Variants in PDLIM5 observed in about 807,000 individuals in gnomAD.
PDLIM5 encodes PDZ and LIM domain 5.
A neutral mutation model predicts 64.2 loss-of-function variants in PDLIM5; 34 were observed. The observed-to-expected ratio is 0.53, with a 90% CI of 0.40 to 0.71. The LOEUF (loss-of-function observed/expected upper bound fraction) is 0.71. Among genes scored for constraint, PDLIM5 ranks in the 30% least tolerant of loss-of-function variants. PDLIM5 has a pLI of 0.00. For missense variants in PDLIM5, 683 were observed against 733.6 expected, an observed-to-expected ratio of 0.93 and a Z score of 0.80; for synonymous variants, 253 against 269.1, an observed-to-expected ratio of 0.94 and a Z score of 0.59.
At chr4:94,527,672 G>A (rs945264531) in intron 3 of PDLIM5, among the ~76,000 whole-genome samples, 4 of 152,224 alleles carry the variant, frequency 2.6e-5, no homozygotes, top group Non-Finnish European at 5.9e-5. Context: ...TGTGATTTCA[G>A]GGGATATCCA....
intron 9 of PDLIM5, 43 bp downstream of exon 9, chr4:94,640,493 A>C: frequency 9.0e-7 from 1 of 1,113,860 alleles, no homozygotes; most frequent in Non-Finnish European, 1.2e-6. Flanking sequence ...CTTAATATCA[A>C]TGTTGGGTTT....
chr4:94,516,491 G>C (rs1399472744), intron 2 of PDLIM5, among the ~76,000 whole-genome samples: 1 of 145,162 alleles, frequency 6.9e-6, no homozygotes, highest in Admixed American at 6.9e-5. Flanking sequence ...ACAGAAAAAG[G>C]TAATAAATCC....
At chr4:94,546,369 G>A (rs1001299409) in intron 3 of PDLIM5, among the ~76,000 whole-genome samples, 10 of 152,120 alleles carry the variant, frequency 6.6e-5, no homozygotes, top group Admixed American at 2.0e-4. Context: ...TCTTCCAAGC[G>A]GAATAGTTGC....
intron 3 of PDLIM5, among the ~76,000 whole-genome samples, chr4:94,548,730 C>T (rs1199594489): frequency 6.6e-6 from 1 of 152,126 alleles, no homozygotes; most frequent in African/African-American, 2.4e-5. Flanking sequence ...AGGGCACACC[C>T]ACTTCCCTCT....
At chr4:94,571,707 T>G (rs768244376) in intron 3 of PDLIM5, among the ~76,000 whole-genome samples, 1 of 152,236 alleles carries the variant, frequency 6.6e-6, no homozygotes, top group Non-Finnish European at 1.5e-5. Flanking sequence ...TTATGTAATC[T>G]ATGACATTGT....
At chr4:94,479,399 T>C (rs1725652079) in intron 2 of PDLIM5, among the ~76,000 whole-genome samples, 1 of 150,046 alleles carries the variant, frequency 6.7e-6, no homozygotes, top group South Asian at 2.1e-4. Context: ...CAATCGTGGC[T>C]CACTGCAGCC....
rs531587606 is a variant in PDLIM5 at position 94,665,949 on chromosome 4, C to T, written c.*1882C>T. 1.1e-4 allele frequency: 162 copies of T among 1,521,108 alleles called. No homozygotes were observed. The African/African-American group carries it at 2.2e-3, about 20-fold the overall frequency. The allele number at this position is 1,521,108 out of a possible 1,614,324, so 94.2% of individuals were successfully genotyped here. ...AGACAGGGAAACAATTGTGGTAAAACTGTGGATCCTGTTGCTATTTGCCCA... is the reference window on the plus strand; with the variant it reads ...AGACAGGGAAACAATTGTGGTAAAATTGTGGATCCTGTTGCTATTTGCCCA... On this transcript the variant is annotated 3_prime_UTR_variant, in exon 13 of 13. Coordinates refer to ENST00000317968, the MANE Select transcript of PDLIM5 (RefSeq NM_006457.5).
chr4:94,459,282 T>G (rs1387586464), intron 2 of PDLIM5, among the ~76,000 whole-genome samples: 7 of 152,230 alleles, frequency 4.6e-5, no homozygotes, highest in Non-Finnish European at 1.5e-5. Context: ...TTGGATTACC[T>G]GAAGATGATA....
rs572273703 is a variant in PDLIM5, at chr4:94,665,259, G to A, written c.*1192G>A. 17 of 357,240 alleles carry A rather than the reference G, an allele frequency of 4.8e-5. No individual in the cohort carries two copies. Among genetic ancestry groups the A allele is most frequent in the South Asian group, 2.2e-4 (2 of 9,290 alleles). 22.1% of individuals were successfully genotyped at this position (357,240 alleles called of 1,614,324 possible). On this transcript the variant is annotated 3_prime_UTR_variant, in exon 13 of 13. Coordinates refer to ENST00000317968, the MANE Select transcript of PDLIM5 (RefSeq NM_006457.5). ...AGCACTTTGGGAGGCCAAGACGGGC[G>A]GATCATGAGGTCAAGAGATCAAGAT...
At chr4:94,532,339 G>C (rs1427068373) in intron 3 of PDLIM5, among the ~76,000 whole-genome samples, 1 of 152,142 alleles carries the variant, frequency 6.6e-6, no homozygotes, top group East Asian at 1.9e-4. Context: ...CTATTTTAAA[G>C]GAAAGGCTAG....
At chr4:94,496,293 A>G (rs926674280) in intron 2 of PDLIM5, among the ~76,000 whole-genome samples, 4 of 152,208 alleles carry the variant, frequency 2.6e-5, no homozygotes, top group Non-Finnish European at 4.4e-5. Flanking sequence ...ATTGATAAAT[A>G]TATTAGAGGT....
intron 5 of PDLIM5, chr4:94,584,781 T>C (rs1159626053): frequency 2.1e-5 from 11 of 514,638 alleles, no homozygotes; most frequent in Non-Finnish European, 3.8e-5. Context: ...TAGCAGCATA[T>C]TGATATTAAT....
At chr4:94,496,242 G>A (rs1727383170) in intron 2 of PDLIM5, among the ~76,000 whole-genome samples, 1 of 152,070 alleles carries the variant, frequency 6.6e-6, no homozygotes, top group African/African-American at 2.4e-5. Flanking sequence ...TATTTTGTAG[G>A]TAAAAAAATA....
intron 3 of PDLIM5, among the ~76,000 whole-genome samples, chr4:94,571,636 G>A (rs1246936948): frequency 1.3e-5 from 2 of 152,044 alleles, no homozygotes; most frequent in Non-Finnish European, 1.5e-5. Context: ...AGAAAATGTA[G>A]GAAGAATTTT....
chr4:94,456,844 T>C, intron 2 of PDLIM5: 1 of 1,117,224 alleles, frequency 9.0e-7, no homozygotes, highest in Admixed American at 4.7e-5. Context: ...GTGCTGTGAA[T>C]GCATCATCTC....
chr4:94,638,589 T>C (rs1369651840), intron 8 of PDLIM5, among the ~76,000 whole-genome samples: 2 of 152,248 alleles, frequency 1.3e-5, no homozygotes, highest in Non-Finnish European at 2.9e-5. Flanking sequence ...TTTAATATAC[T>C]GTCAATGTGT....
At chr4:94,585,765 G>T in intron 6 of PDLIM5, 28 bp downstream of exon 6, 1 of 1,584,480 alleles carries the variant, frequency 6.3e-7, no homozygotes, top group Non-Finnish European at 8.7e-7. Flanking sequence ...TATCCTAATG[G>T]ATGAATGTTT....
chr4:94,527,930 T>C (rs951666582), intron 3 of PDLIM5, among the ~76,000 whole-genome samples: 2 of 152,210 alleles, frequency 1.3e-5, no homozygotes, highest in African/African-American at 4.8e-5. Context: ...ACCTGGGGAA[T>C]TGGTGTACCA....
At chr4:94,522,693 G>A (rs574561110) in intron 2 of PDLIM5, among the ~76,000 whole-genome samples, 1 of 152,078 alleles carries the variant, frequency 6.6e-6, no homozygotes, top group South Asian at 2.1e-4. Context: ...ATATAGTCAC[G>A]GTGTTGTGCG....
Sources: allele counts gnomAD v4.1 joint callset (sites outside exome capture counted in the v4.1 genomes callset), GRCh38; gene constraint gnomAD v4.1.1; transcripts MANE v1.5; gene names NCBI Gene and HGNC (gene_info 2026-07-23, HGNC 2026-07-21).